Variants in SLC12A2 observed in about 807,000 individuals in gnomAD.
The protein encoded by SLC12A2 is solute carrier family 12 member 2.
A neutral mutation model predicts 136.3 loss-of-function variants in SLC12A2; 67 were observed. That is an observed-to-expected ratio of 0.49 (90% confidence interval 0.40 to 0.60). The LOEUF (loss-of-function observed/expected upper bound fraction) is 0.60. Among genes scored for constraint, SLC12A2 ranks in the 20% least tolerant of loss-of-function variants. The pLI, the probability that SLC12A2 is intolerant of heterozygous loss-of-function variation, is 0.00. For synonymous variants in SLC12A2, 619 were observed against 562.9 expected, an observed-to-expected ratio of 1.10 and a Z score of -1.41; for missense variants, 1,322 against 1,534.7, an observed-to-expected ratio of 0.86 and a Z score of 2.32.
chr5:128,139,301 C>A (rs1396413016), intron 9 of SLC12A2, among the ~76,000 whole-genome samples: 1 of 150,630 alleles, frequency 6.6e-6, no homozygotes, highest in East Asian at 1.9e-4. Flanking sequence ...TATGAAGATT[C>A]TTTCAAGGCT....
Position 128,154,068 on chromosome 5 carries a change from C to CA in SLC12A2, c.2363+1275dup, listed in dbSNP as rs3083293. Among the ~76,000 whole-genome samples the CA allele has an allele frequency of 5.9e-3, 810 of 137,782 alleles. 6 individuals carry two copies. The highest frequency in any genetic ancestry group is 7.8e-3 in the Non-Finnish European group (491 of 62,572). The allele number at this position is 137,782 out of a possible 152,430, so 90.4% of individuals were successfully genotyped here. On this transcript the variant is annotated intron_variant, in intron 15 of 26. Transcript: ENST00000262461. ...ATTTGCCGTCAATTAAAAAAAAAAA[C>CA]AAAAAAAAAAAACCTCTTGCTTTGG...
Position 128,167,856 on chromosome 5 carries a change from A to G in SLC12A2, c.2712A>G (p.Ile904Met), listed in dbSNP as rs1026156371. 28 of 1,549,504 alleles carry G rather than the reference A, an allele frequency of 1.8e-5. No individual in the cohort carries two copies. Among genetic ancestry groups the G allele is most frequent in the Non-Finnish European group, 2.4e-5 (27 of 1,137,220 alleles). Residue 904 changes from isoleucine (I) to methionine (M), a missense_variant, in exon 18 of 27, where the codon ATA (isoleucine) becomes ATG (methionine). By Grantham distance (10) the Ile-to-Met change is conservative. Coordinates refer to ENST00000262461, the MANE Select transcript of SLC12A2 (RefSeq NM_001046.3). Reference sequence around the variant, plus strand: ...ATATGAGGGATGTGGATATGTATATAAACTTATTTCAGTAAGTATCTTTTT... The same window carrying G: ...ATATGAGGGATGTGGATATGTATATGAACTTATTTCAGTAAGTATCTTTTT... The part of the protein sequence containing the change: ...QADMRDVDMY[I>M]NLFHDAFDIQ...
intron 11 of SLC12A2, among the ~76,000 whole-genome samples, chr5:128,148,256 A>G (rs1249444544): frequency 7.2e-5 from 11 of 151,874 alleles, no homozygotes; most frequent in Non-Finnish European, 8.9e-5. Flanking sequence ...GGTAAATCAA[A>G]TAAATGAATG....
chr5:128,168,825 C>T (rs1362832505), intron 18 of SLC12A2: 3 of 152,208 alleles, frequency 2.0e-5, no homozygotes, highest in Non-Finnish European at 4.4e-5. Context: ...CCATGGCTCA[C>T]CTTCTGCTGT....
chr5:128,091,320 A>T (rs1192335135), intron 1 of SLC12A2, among the ~76,000 whole-genome samples: 2 of 152,200 alleles, frequency 1.3e-5, no homozygotes, highest in Admixed American at 1.3e-4. Context: ...ATAGGGTTTC[A>T]TTCTACAAAT....
chr5:128,088,951 C>A (rs1336402158), intron 1 of SLC12A2, among the ~76,000 whole-genome samples: 1 of 151,948 alleles, frequency 6.6e-6, no homozygotes, highest in Non-Finnish European at 1.5e-5. Flanking sequence ...GGTGGATCAC[C>A]TGAGGTCAGA....
intron 16 of SLC12A2, among the ~76,000 whole-genome samples, chr5:128,158,869 T>G (rs1581122222): frequency 2.6e-5 from 4 of 151,306 alleles, no homozygotes; most frequent in Admixed American, 1.3e-4. Flanking sequence ...ATCTGTGTTT[T>G]TTTTTTTTTT....
chr5:128,119,576 TC>T (rs1761478469), intron 4 of SLC12A2, among the ~76,000 whole-genome samples: 1 of 152,202 alleles, frequency 6.6e-6, no homozygotes, highest in Non-Finnish European at 1.5e-5. Flanking sequence ...GTTCCATTGA[TC>T]TATATCTCTG....
At chr5:128,157,141 C>T (rs776607115) in intron 15 of SLC12A2, among the ~76,000 whole-genome samples, 37 of 152,110 alleles carry the variant, frequency 2.4e-4, no homozygotes, top group Admixed American at 2.6e-4. Flanking sequence ...TAAACGTTAA[C>T]GTTTAAGTCG....
chr5:128,110,649 GA>G, intron 1 of SLC12A2: 1 of 1,182,732 alleles, frequency 8.5e-7, no homozygotes. Context: ...GTGTTGTGCT[GA>G]AGCCAAGACT....
chr5:128,097,164 G>A (rs926068313), intron 1 of SLC12A2, among the ~76,000 whole-genome samples: 17 of 151,264 alleles, frequency 1.1e-4, no homozygotes, highest in Non-Finnish European at 2.4e-4. Context: ...GAGTTTCATT[G>A]TACTTTGCTT....
At chr5:128,166,790 AT>A (rs1763218126) in intron 17 of SLC12A2, among the ~76,000 whole-genome samples, 1 of 152,074 alleles carries the variant, frequency 6.6e-6, no homozygotes, top group African/African-American at 2.4e-5. Flanking sequence ...ACACTTAAAA[AT>A]GGTTAAAATG....
chr5:128,132,085 GAA>G (rs891456824), intron 5 of SLC12A2, among the ~76,000 whole-genome samples: 1 of 152,152 alleles, frequency 6.6e-6, no homozygotes, highest in African/African-American at 2.4e-5. Flanking sequence ...ACTAGAGAGA[GAA>G]AAAATAATCA....
chr5:128,131,506 A>T (rs553778086), intron 5 of SLC12A2, among the ~76,000 whole-genome samples: 1 of 151,348 alleles, frequency 6.6e-6, no homozygotes, highest in South Asian at 2.1e-4. Context: ...ATCCTGGCCA[A>T]CATGGTGAAA....
At chr5:128,159,044 C>T (rs1488784469) in intron 16 of SLC12A2, among the ~76,000 whole-genome samples, 6 of 150,650 alleles carry the variant, frequency 4.0e-5, no homozygotes, top group Non-Finnish European at 8.9e-5. Flanking sequence ...AATATTTTTG[C>T]CCCTAAATGG....
chr5:128,150,053 T>C lies in SLC12A2; in HGVS notation c.2062T>C (p.Leu688=), dbSNP rs768620752. The change falls in exon 13 of 27, where the codon TTG becomes CTG. Residue 688 remains leucine, a synonymous_variant. Coordinates refer to ENST00000262461, the MANE Select transcript of SLC12A2 (RefSeq NM_001046.3). The part of the protein sequence containing the change: ...ISNFFLASYA[L]INFSVFHASL... ...AAACTTCTTCCTTGCATCATATGCA[T>C]TGATCAATTTTTCAGTATTCCATGC... 1.2e-6 allele frequency: 2 copies of C among 1,610,880 alleles called. No individual in the cohort carries two copies. The highest frequency in any genetic ancestry group is 1.1e-5 in the South Asian group (1 of 90,930).
Position 128,126,966 on chromosome 5 carries a change from A to ATATATATATATATATATAATTTTT in SLC12A2, c.1049-4100_1049-4099insATATATATATATATATAATTTTTT. On this transcript the variant is annotated intron_variant, in intron 4 of 26. Coordinates refer to ENST00000262461, the MANE Select transcript of SLC12A2 (RefSeq NM_001046.3). ...CATATATATATATATATATATATATATTTTTTTTTTTTTTTTTTTTTGCAT... is the reference window on the plus strand; with the variant it reads ...CATATATATATATATATATATATATATATATATATATATATATAATTTTTTTTTTTTTTTTTTTTTTTTTTGCAT... 1.3e-3 allele frequency among the ~76,000 whole-genome samples: 27 copies of ATATATATATATATATATAATTTTT among 21,160 alleles called. 2 individuals are homozygous for ATATATATATATATATATAATTTTT. The highest frequency in any genetic ancestry group is 1.7e-3 in the Non-Finnish European group (22 of 12,984). The allele number at this position is 21,160 out of a possible 152,430, so 13.9% of individuals were successfully genotyped here. A position where few individuals can be genotyped will look rare whatever the true frequency, so the allele number is the denominator to read the frequency against.
At chr5:128,098,429 C>T (rs1760621037) in intron 1 of SLC12A2, among the ~76,000 whole-genome samples, 1 of 150,588 alleles carries the variant, frequency 6.6e-6, no homozygotes, top group African/African-American at 2.4e-5. Context: ...TCTTTGTCTC[C>T]TGAATTTAAC....
rs1763878688 is a variant in SLC12A2, at chr5:128,186,628, A to G, written c.3636A>G (p.Ser1212=). The stretch of plus-strand genomic sequence containing the variant: ...ATCAGAGTGTCCTTACCTTCTATTC[A>G]TAAATGTTCTATACAGTGGACAGCC... The part of the protein sequence containing the change: ...GNHQSVLTFY[S] Residue 1212 remains serine (S), a synonymous_variant, in exon 27 of 27, where the codon TCA becomes TCG. Transcript: ENST00000262461. The G allele has an allele frequency of 1.2e-6, 2 of 1,613,938 alleles. No individual in the cohort carries two copies. The highest frequency in any genetic ancestry group is 1.7e-6 in the Non-Finnish European group (2 of 1,179,876).
Sources: allele counts gnomAD v4.1 joint callset (sites outside exome capture counted in the v4.1 genomes callset), GRCh38; gene constraint gnomAD v4.1.1; transcripts MANE v1.5; gene names NCBI Gene and HGNC (gene_info 2026-07-23, HGNC 2026-07-21).